The following ADAMTS2 variants were observed in gnomAD, a reference collection of about 807,000 sequenced individuals.
ADAMTS2 encodes the protein ADAM metallopeptidase with thrombospondin type 1 motif 2.
A neutral mutation model predicts 123.0 loss-of-function variants in ADAMTS2; 50 were observed. The ratio of observed to expected loss-of-function variants is 0.41; its 90% CI spans 0.32 to 0.51. The LOEUF is 0.51. Among genes scored for constraint, ADAMTS2 ranks in the 20% least tolerant of loss-of-function variants. The pLI is 0.35. For missense variants in ADAMTS2, 1,494 were observed against 1,705.2 expected (o/e 0.88, Z 2.18); for synonymous variants, 678 against 695.4 (o/e 0.98, Z 0.39).
At position 179,170,380 on chromosome 5, in the gene ADAMTS2, CAG is replaced by C. The variant is rs1274868304; in HGVS notation, c.975+10690_975+10691del. Among the ~76,000 whole-genome samples the C allele has an allele frequency of 2.0e-5, 3 of 152,118 alleles. No individual in the cohort carries two copies. The highest frequency in any genetic ancestry group is 7.2e-5 in the African/African-American group (3 of 41,416). The stretch of plus-strand genomic sequence containing the variant: ...GTCTGGGTCATGGTCTCACATCCCC[CAG>C]AGTCTGTCCCCACCGTGGGGGGGAC... On this transcript the variant is annotated intron_variant, in intron 5 of 21. Transcript: ENST00000251582. This position sits in a 1 kb window ranked among gnomAD's most constrained non-coding sequence, Gnocchi z 4.3.
intron 18 of ADAMTS2, among the ~76,000 whole-genome samples, 181 bp from the exon 19 acceptor site, chr5:179,125,361 A>AG (rs1444415141): frequency 6.6e-6 from 1 of 152,166 alleles, no homozygotes; most frequent in Non-Finnish European, 1.5e-5. Flanking sequence ...GCTTGCACAG[A>AG]GGGGAAACTG....
chr5:179,277,288 A>G (rs1306429776), intron 2 of ADAMTS2, among the ~76,000 whole-genome samples: 2 of 150,260 alleles, frequency 1.3e-5, no homozygotes, highest in Admixed American at 1.3e-4. Context: ...GACGATGAAC[A>G]TGGTGGCACC....
chr5:179,158,652 G>C lies in ADAMTS2; in HGVS notation c.1132+71C>G. 1 of 1,606,400 alleles carries C rather than the reference G, an allele frequency of 6.2e-7. No individual in the cohort carries two copies. Among genetic ancestry groups the C allele is most frequent in the Non-Finnish European group, 8.5e-7 (1 of 1,175,566 alleles). On this transcript the variant is annotated intron_variant, in intron 6 of 21. Coordinates refer to ENST00000251582, the MANE Select transcript of ADAMTS2 (RefSeq NM_014244.5). This position sits in a 1 kb window ranked among gnomAD's most constrained non-coding sequence, Gnocchi z 5.0. ...TTCCCTGGGCTGGGCCAAGGCTCCC[G>C]GGGCCCCTTGCATGGCCAGGGGCTC... is the stretch of plus-strand genomic sequence containing the variant.
In ADAMTS2 at chr5:179,125,167, C is replaced by T. The variant is rs979855168; in HGVS notation, c.2764G>A (p.Glu922Lys). ...CAGGTCTGGCTACATGGCTCCCATT[C>T]GCCTGTGACCCACCTGCCAGGGCAG... ...ECSQPVWVTGEWEPCSQTCGR... is the reference protein window; with the variant it reads ...ECSQPVWVTGKWEPCSQTCGR... Residue 922 changes from glutamate to lysine, a missense_variant, in exon 19 of 22, where the codon GAA becomes AAA. Coordinates refer to ENST00000251582, the MANE Select transcript of ADAMTS2 (RefSeq NM_014244.5). 9 of 1,612,564 alleles carry T rather than the reference C, an allele frequency of 5.6e-6. No homozygotes were observed. Among genetic ancestry groups the T allele is most frequent in the East Asian group, 2.2e-5 (1 of 44,864 alleles).
chr5:179,191,382 C>T (rs1475197823), intron 4 of ADAMTS2, among the ~76,000 whole-genome samples: 1 of 152,212 alleles, frequency 6.6e-6, no homozygotes, highest in Non-Finnish European at 1.5e-5. Context: ...CCTGGCATCC[C>T]CCCACACGCC....
chr5:179,142,050 C>T (rs907272094), intron 10 of ADAMTS2, among the ~76,000 whole-genome samples: 18 of 150,502 alleles, frequency 1.2e-4, no homozygotes, highest in Admixed American at 6.6e-5. Flanking sequence ...GCTCCTTTAG[C>T]TCTGGCTCAG....
intron 2 of ADAMTS2, among the ~76,000 whole-genome samples, chr5:179,281,208 A>T (rs407818): frequency 0.38 from 57,052 of 152,130 alleles, 12,141 homozygotes; most frequent in South Asian, 0.49. Context: ...TGATTACCAT[A>T]CCATACATCT....
intron 20 of ADAMTS2, 46 bp downstream of exon 20, chr5:179,122,598 G>T (rs1236957951): frequency 4.5e-6 from 7 of 1,545,296 alleles, no homozygotes; most frequent in Non-Finnish European, 6.1e-6. Context: ...CCCCGCCCTG[G>T]GCTGCTGCAT....
chr5:179,272,208 G>C lies in ADAMTS2; in HGVS notation c.688+703C>G, dbSNP rs1344110930. Among the ~76,000 whole-genome samples, 1 of 152,210 alleles carries C rather than the reference G, an allele frequency of 6.6e-6. No individual in the cohort carries two copies. The highest frequency in any genetic ancestry group is 1.9e-4 in the East Asian group (1 of 5,190). The stretch of plus-strand genomic sequence containing the variant: ...GGTGTGGGCTGGCACAGTGAGGCCA[G>C]ATCTGAGGCGACAGTCATGGACTGT... On this transcript the variant is annotated intron_variant, in intron 3 of 21. Coordinates refer to ENST00000251582, the MANE Select transcript of ADAMTS2 (RefSeq NM_014244.5). The surrounding 1 kb of genome is among the most constrained non-coding windows in gnomAD (Gnocchi z 5.8).
chr5:179,302,153 G>C (rs760375236), intron 2 of ADAMTS2, among the ~76,000 whole-genome samples: 49 of 152,206 alleles, frequency 3.2e-4, no homozygotes, highest in Middle Eastern at 3.4e-3. Context: ...TCACCCCACT[G>C]CATGTATGAA....
intron 4 of ADAMTS2, among the ~76,000 whole-genome samples, chr5:179,201,631 CAA>C (rs58141791): frequency 5.9e-4 from 54 of 91,894 alleles, no homozygotes; most frequent in Admixed American, 9.2e-4. Flanking sequence ...ACTAAAAATA[CAA>C]AAAAAAAAAA....
intron 17 of ADAMTS2, 136 bp downstream of exon 17, chr5:179,127,823 C>T: frequency 4.1e-6 from 5 of 1,219,058 alleles, no homozygotes; most frequent in South Asian, 3.8e-5. Context: ...TGCCGCTAAG[C>T]CCTTGCCCAC....
At chr5:179,124,630 G>A (rs933828697) in intron 19 of ADAMTS2, among the ~76,000 whole-genome samples, 1 of 152,244 alleles carries the variant, frequency 6.6e-6, no homozygotes, top group African/African-American at 2.4e-5. Flanking sequence ...CTGGCGCCGT[G>A]AAACCCACAG....
chr5:179,290,968 C>CT (rs1756168258), intron 2 of ADAMTS2, among the ~76,000 whole-genome samples: 1 of 152,226 alleles, frequency 6.6e-6, no homozygotes, highest in South Asian at 2.1e-4. Context: ...CTTCAGGGCA[C>CT]TCTCCAACCC....
chr5:179,287,608 T>C lies in ADAMTS2; in HGVS notation c.535-14544A>G, dbSNP rs548652165. Among the ~76,000 whole-genome samples the C allele has an allele frequency of 1.4e-3, 209 of 151,376 alleles. 1 individual carries two copies. Among genetic ancestry groups the C allele is most frequent in the African/African-American group, 4.9e-3 (205 of 41,424 alleles). On this transcript the variant is annotated intron_variant, in intron 2 of 21. Coordinates refer to ENST00000251582, the MANE Select transcript of ADAMTS2 (RefSeq NM_014244.5). Reference sequence around the variant, plus strand: ...TCTACGCAGCTGTTGGAAGACGGGGTATGCAATTCTAGATGTGTGGCGTGT... The same window carrying C: ...TCTACGCAGCTGTTGGAAGACGGGGCATGCAATTCTAGATGTGTGGCGTGT...
At chr5:179,193,999 G>A (rs762067881) in intron 4 of ADAMTS2, among the ~76,000 whole-genome samples, 1 of 152,208 alleles carries the variant, frequency 6.6e-6, no homozygotes, top group African/African-American at 2.4e-5. Context: ...GCTGGAGCCT[G>A]CACAAGACAA....
chr5:179,195,858 A>T (rs1260428146), intron 4 of ADAMTS2, among the ~76,000 whole-genome samples: 1 of 152,144 alleles, frequency 6.6e-6, no homozygotes, highest in East Asian at 1.9e-4. Context: ...CCACTAGCAG[A>T]CCCTGAACCC....
chr5:179,131,870 C>G (rs1762968916), intron 15 of ADAMTS2, among the ~76,000 whole-genome samples: 2 of 152,354 alleles, frequency 1.3e-5, no homozygotes, highest in South Asian at 4.1e-4. Context: ...GCCCAGGACC[C>G]TGCTGCCTGC....
rs1159900830 is a variant in ADAMTS2 at position 179,205,369 on chromosome 5, T to C, written c.891+2144A>G. ...GTGGAAACTGAAAACGTGTTCACCC[T>C]ACTGAGAGACTGAAAAGCACATTCA... On this transcript the variant is annotated intron_variant, in intron 4 of 21. Transcript: ENST00000251582. 2.6e-5 allele frequency among the ~76,000 whole-genome samples: 4 copies of C among 152,264 alleles called. No homozygotes were observed. In the South Asian group the frequency reaches 8.3e-4, roughly 31 times the overall value.
Sources: gnomAD v4.1 joint callset for allele counts (sites outside exome capture counted in the v4.1 genomes callset) on GRCh38, gnomAD v4.1.1 for gene constraint, Gnocchi (gnomAD v3.1) non-coding constraint, MANE v1.5 for transcripts, NCBI Gene and HGNC (gene_info 2026-07-23, HGNC 2026-07-21) for gene names.